The following ITFG1 variants were observed in gnomAD, a reference collection of about 807,000 sequenced individuals.
ITFG1 encodes the protein T-cell immunomodulatory protein.
In ITFG1, 34 loss-of-function variants were observed where a neutral mutation model predicts 81.8. The observed-to-expected ratio is 0.42, with a 90% CI of 0.32 to 0.55. The LOEUF (loss-of-function observed/expected upper bound fraction) is 0.55. Ranked by LOEUF, ITFG1 falls within the 20% of genes least tolerant of loss-of-function variation. The pLI is 0.17. For synonymous variants in ITFG1, 285 were observed against 270.6 expected (o/e 1.05, Z -0.52); for missense variants, 672 against 755.4 (o/e 0.89, Z 1.29).
intron 8 of ITFG1, among the ~76,000 whole-genome samples, chr16:47,325,931 T>A (rs989956505): frequency 1.3e-5 from 2 of 152,052 alleles, no homozygotes; most frequent in African/African-American, 4.8e-5. Flanking sequence ...ATGAAACTAC[T>A]CCAATCAACA....
At position 47,306,665 on chromosome 16, in the gene ITFG1, TGAA is replaced by T. The variant is rs775416401; in HGVS notation, c.1070+4572_1070+4574del. 1.7e-3 allele frequency among the ~76,000 whole-genome samples: 262 copies of T among 150,836 alleles called. 2 individuals are homozygous for T. The highest frequency in any genetic ancestry group is 3.0e-3 in the Non-Finnish European group (200 of 67,720). On this transcript the variant is annotated intron_variant, in intron 10 of 17. Transcript: ENST00000320640. The stretch of plus-strand genomic sequence containing the variant: ...AATGTAAAAAATTAAAAAAAAAACT[TGAA>T]GAAAGCAAAACAGGAAAAAATGTAA...
intron 14 of ITFG1, among the ~76,000 whole-genome samples, chr16:47,173,231 C>T (rs1964981851): frequency 6.6e-6 from 1 of 152,118 alleles, no homozygotes; most frequent in African/African-American, 2.4e-5. Flanking sequence ...CCCTCTTCCT[C>T]CCACCCACAG....
At chr16:47,173,064 G>T (rs923703300) in intron 14 of ITFG1, among the ~76,000 whole-genome samples, 1 of 152,068 alleles carries the variant, frequency 6.6e-6, no homozygotes, top group Non-Finnish European at 1.5e-5. Context: ...TCTTTGCCTG[G>T]AATAGCCTTC....
At chr16:47,318,363 A>G (rs1042832842) in intron 8 of ITFG1, among the ~76,000 whole-genome samples, 18 of 152,208 alleles carry the variant, frequency 1.2e-4, no homozygotes, top group Admixed American at 9.8e-4. Flanking sequence ...CATTGTATGA[A>G]GGTATCTCAG....
intron 5 of ITFG1, among the ~76,000 whole-genome samples, 156 bp from the exon 6 acceptor site, chr16:47,429,054 T>C (rs1969060444): frequency 6.6e-6 from 1 of 152,232 alleles, no homozygotes; most frequent in South Asian, 2.1e-4. Flanking sequence ...GAGTGGTTTT[T>C]AGTATGTTCA....
rs1964675977 is a variant in ITFG1, at chr16:47,154,668, A to T, written c.*1051T>A. 1 of 152,208 alleles carries T rather than the reference A, an allele frequency of 6.6e-6. No homozygotes were observed. The highest frequency in any genetic ancestry group is 2.1e-4 in the South Asian group (1 of 4,828). The allele number at this position is 152,208 out of a possible 1,614,324, so 9.4% of individuals were successfully genotyped here. ...TTGCATTGAAGTCTGAATGTAAATT[A>T]TAGACTTCTCCAAGTGTTTGAGAAT... On this transcript the variant is annotated 3_prime_UTR_variant, in exon 18 of 18. Coordinates refer to ENST00000320640, the MANE Select transcript of ITFG1 (RefSeq NM_030790.5).
chr16:47,250,875 G>A (rs1247859717), intron 12 of ITFG1, among the ~76,000 whole-genome samples: 1 of 152,220 alleles, frequency 6.6e-6, no homozygotes, highest in Non-Finnish European at 1.5e-5. Context: ...CGGCAGCTGA[G>A]AGGGGAAACA....
chr16:47,257,612 T>C (rs2151541150), intron 12 of ITFG1, among the ~76,000 whole-genome samples: 1 of 152,350 alleles, frequency 6.6e-6, no homozygotes, highest in Middle Eastern at 3.4e-3. Flanking sequence ...TCCATTTGGA[T>C]GAAAAATGAA....
At chr16:47,365,758 C>G (rs759751598) in intron 8 of ITFG1, 30 bp downstream of exon 8, 1 of 1,098,040 alleles carries the variant, frequency 9.1e-7, no homozygotes, top group Non-Finnish European at 1.4e-6. Flanking sequence ...AAGGCAAAAG[C>G]CTTTTTTTTT....
intron 14 of ITFG1, among the ~76,000 whole-genome samples, chr16:47,184,281 C>T (rs950001311): frequency 4.9e-4 from 74 of 152,060 alleles, no homozygotes; most frequent in African/African-American, 1.7e-3. Context: ...CAGAGAACGC[C>T]ACAAAGATAC....
intron 3 of ITFG1, 28 bp downstream of exon 3, chr16:47,453,985 A>C: frequency 1.4e-6 from 2 of 1,419,608 alleles, no homozygotes; most frequent in Non-Finnish European, 1.9e-6. Flanking sequence ...TCAATGATAA[A>C]TATTAAAAAT....
At chr16:47,182,470 T>C (rs899921975) in intron 14 of ITFG1, among the ~76,000 whole-genome samples, 2 of 152,220 alleles carry the variant, frequency 1.3e-5, no homozygotes, top group Non-Finnish European at 2.9e-5. Context: ...CTGATTTATT[T>C]GATCTTTAGT....
At chr16:47,419,452 T>A (rs1203338382) in intron 6 of ITFG1, among the ~76,000 whole-genome samples, 2 of 152,016 alleles carry the variant, frequency 1.3e-5, no homozygotes, top group Non-Finnish European at 2.9e-5. Flanking sequence ...AGTACTTTTT[T>A]GTAAAGACAG....
chr16:47,196,086 G>C (rs1163957750), intron 14 of ITFG1, among the ~76,000 whole-genome samples: 1 of 152,138 alleles, frequency 6.6e-6, no homozygotes, highest in Non-Finnish European at 1.5e-5. Context: ...TTTCTGAGAA[G>C]AAGGTAGCTG....
At chr16:47,414,040 C>T (rs1389760732) in intron 6 of ITFG1, among the ~76,000 whole-genome samples, 1 of 150,566 alleles carries the variant, frequency 6.6e-6, no homozygotes, top group Admixed American at 6.6e-5. Flanking sequence ...AGGCTGGTCT[C>T]GAACTCCTGA....
chr16:47,225,729 C>T (rs1293735544), intron 13 of ITFG1, among the ~76,000 whole-genome samples: 1 of 152,088 alleles, frequency 6.6e-6, no homozygotes, highest in African/African-American at 2.4e-5. Flanking sequence ...GGGAAATTAA[C>T]ATATTGCCAG....
chr16:47,217,828 G>C (rs1263759664), intron 14 of ITFG1, among the ~76,000 whole-genome samples: 1 of 152,218 alleles, frequency 6.6e-6, no homozygotes, highest in Non-Finnish European at 1.5e-5. Context: ...GGGAGGCTGA[G>C]GCAGGAGAAT....
At chr16:47,363,019 C>T (rs1321929010) in intron 8 of ITFG1, among the ~76,000 whole-genome samples, 1 of 152,162 alleles carries the variant, frequency 6.6e-6, no homozygotes, top group Non-Finnish European at 1.5e-5. Flanking sequence ...ACATCAGTCT[C>T]CTGAGTAGCC....
intron 13 of ITFG1, among the ~76,000 whole-genome samples, chr16:47,222,751 C>A (rs905791707): frequency 1.3e-5 from 2 of 152,160 alleles, no homozygotes; most frequent in Non-Finnish European, 2.9e-5. Flanking sequence ...AGTTTGATTG[C>A]ACTGTGGTCT....
Sources: allele counts gnomAD v4.1 joint callset (sites outside exome capture counted in the v4.1 genomes callset), GRCh38; gene constraint gnomAD v4.1.1; transcripts MANE v1.5; gene names NCBI Gene and HGNC (gene_info 2026-07-23, HGNC 2026-07-21).